The following NOTCH2 variants were observed in gnomAD, a reference collection of about 807,000 sequenced individuals.
NOTCH2 encodes neurogenic locus notch homolog protein 2.
A neutral mutation model predicts 235.8 loss-of-function variants in NOTCH2; 29 were observed. The ratio of observed to expected loss-of-function variants is 0.12; its 90% CI spans 0.09 to 0.17. The LOEUF is 0.17. Ranked by LOEUF, NOTCH2 falls within the 10% of genes least tolerant of loss-of-function variation. The probability of loss-of-function intolerance (pLI) is 1.00; values close to 1 mark genes in which losing one functional copy is unlikely to be tolerated. For synonymous variants in NOTCH2, 1,086 were observed against 1,141.5 expected, an observed-to-expected ratio of 0.95 and a Z score of 0.98; for missense variants, 2,285 against 3,150.2, an observed-to-expected ratio of 0.73 and a Z score of 6.57.
rs34308573 is a variant in NOTCH2, at chr1:119,966,402, T to C, written c.1541A>G (p.Asn514Ser). ...VNNGQCVDKV[N>S]RFQCLCPPGF... The stretch of plus-strand genomic sequence containing the variant: ...AGGAGGACACAGGCACTGGAAACGA[T>C]TGACTTTATCCACACACTGCCCATT... Residue 514 changes from asparagine (N) to serine (S), a missense_variant, in exon 9 of 34, where the codon AAT becomes AGT. By Grantham distance (46) the Asn-to-Ser change is conservative. Transcript: ENST00000256646. 134 of 1,613,910 alleles carry C rather than the reference T, an allele frequency of 8.3e-5. No individual in the cohort carries two copies. In the African/African-American group the frequency reaches 1.5e-3, roughly 18 times the overall value.
intron 2 of NOTCH2, among the ~76,000 whole-genome samples, chr1:120,009,584 C>T (rs1653105009): frequency 6.6e-6 from 1 of 152,198 alleles, no homozygotes; most frequent in Admixed American, 6.5e-5. Context: ...TATCCCTCCG[C>T]AACAAAACTT....
Position 119,916,359 on chromosome 1 carries a change from C to G in NOTCH2, c.6363G>C (p.Lys2121Asn), listed in dbSNP as rs144047610. ...TMPTSLPNLA[K>N]EAKDAKGSRR... The stretch of plus-strand genomic sequence containing the variant: ...TACTACCCTTGGCATCCTTTGCCTC[C>G]TTGGCAAGGTTAGGGAGGCTAGTAG... Residue 2121 changes from lysine (K) to asparagine (N), a missense_variant, in exon 34 of 34, where the codon AAG (lysine) becomes AAC (asparagine). Physicochemically the swap from Lys to Asn is moderately conservative, Grantham distance 94. Around this residue, in one of 6 missense-constraint regions of NOTCH2, gnomAD observed 504 missense variants for 538.0 expected, o/e 0.94. Coordinates refer to ENST00000256646, the MANE Select transcript of NOTCH2 (RefSeq NM_024408.4). 817 of 1,614,174 alleles carry G rather than the reference C, an allele frequency of 5.1e-4. No homozygotes were observed. Among genetic ancestry groups the G allele is most frequent in the Admixed American group, 8.2e-4 (49 of 60,030 alleles).
intron 3 of NOTCH2, among the ~76,000 whole-genome samples, chr1:120,003,760 G>A (rs1652854171): frequency 6.6e-6 from 1 of 151,758 alleles, no homozygotes; most frequent in Admixed American, 6.6e-5. Flanking sequence ...GAGACCATTT[G>A]CCTAAAGGAA....
rs1447350823 is a variant in NOTCH2, at chr1:119,911,925, G to A, written c.*3381C>T. ...TGATCTAATTAAAGGAAGAAAAAAA[G>A]AAGTTTGGTGCTAGGCTTTGTGGGA... On this transcript the variant is annotated 3_prime_UTR_variant, in exon 34 of 34. Coordinates refer to ENST00000256646, the MANE Select transcript of NOTCH2 (RefSeq NM_024408.4). 8.6e-6 allele frequency: 2 copies of A among 233,114 alleles called. No homozygotes were observed. Among genetic ancestry groups the A allele is most frequent in the Admixed American group, 5.6e-5 (1 of 17,790 alleles). The allele number at this position is 233,114 out of a possible 1,614,324, so 14.4% of individuals were successfully genotyped here.
At chr1:120,006,414 C>A (rs1226531654) in intron 2 of NOTCH2, among the ~76,000 whole-genome samples, 1 of 149,216 alleles carries the variant, frequency 6.7e-6, no homozygotes, top group African/African-American at 2.5e-5. Flanking sequence ...ACTGAGGAAC[C>A]TTTTTACATG....
In NOTCH2 at chr1:119,929,195, T is replaced by C; in HGVS notation, c.3673A>G (p.Asn1225Asp). ...PGTRGLLCEENIDDCARGPHC... is the reference protein window; with the variant it reads ...PGTRGLLCEEDIDDCARGPHC... Reference sequence around the variant, plus strand: ...GGACCCCGGGCACAGTCATCAATGTTCTCTTCACAGAGTAGGCCTGGAGGA... The same window carrying C: ...GGACCCCGGGCACAGTCATCAATGTCCTCTTCACAGAGTAGGCCTGGAGGA... The change falls in exon 23 of 34, where the codon AAC (asparagine) becomes GAC (aspartate). Residue 1225 changes from asparagine to aspartate, a missense_variant. Asn to Asp is a conservative substitution (Grantham distance 23). This residue lies in a region of NOTCH2 where 1,173 missense variants were observed against 1,515.3 expected (regional missense o/e 0.77). Coordinates refer to ENST00000256646, the MANE Select transcript of NOTCH2 (RefSeq NM_024408.4). 6.2e-7 allele frequency: 1 copy of C among 1,613,978 alleles called. No homozygotes were observed. Among genetic ancestry groups the C allele is most frequent in the Non-Finnish European group, 8.5e-7 (1 of 1,179,826 alleles).
intron 11 of NOTCH2, among the ~76,000 whole-genome samples, chr1:119,962,724 T>C (rs1553199165): frequency 6.6e-6 from 1 of 152,020 alleles, no homozygotes; most frequent in African/African-American, 2.4e-5. Flanking sequence ...TATTGGCAGG[T>C]TTCCTTCTAA....
intron 1 of NOTCH2, among the ~76,000 whole-genome samples, chr1:120,041,549 CAT>C (rs1654570080): frequency 6.9e-6 from 1 of 145,916 alleles, no homozygotes; most frequent in Non-Finnish European, 1.5e-5. Flanking sequence ...TAAAACTTTC[CAT>C]GTTTGTGTCT....
rs1204950963 is a variant in NOTCH2, at chr1:119,915,165, T to C, written c.*141A>G. On this transcript the variant is annotated 3_prime_UTR_variant, in exon 34 of 34. Transcript: ENST00000256646. ...CTGACGAATTGCTTCTCTTGCATTA[T>C]CTGAATAAGAACATCTTCTCTTTCC... is the stretch of plus-strand genomic sequence containing the variant. 9.3e-6 allele frequency: 8 copies of C among 862,162 alleles called. No homozygotes were observed. In the East Asian group the frequency reaches 1.2e-4, roughly 13 times the overall value. 53.4% of individuals were successfully genotyped at this position (862,162 alleles called of 1,614,324 possible).
Position 119,925,547 on chromosome 1 carries a change from G to A in NOTCH2, c.4269C>T (p.Ala1423=). Residue 1423 remains alanine, a synonymous_variant, in exon 25 of 34, where the codon GCC becomes GCT. Coordinates refer to ENST00000256646, the MANE Select transcript of NOTCH2 (RefSeq NM_024408.4). ...LYTAPPSTPP[A]TCLSQYCADK... ...CGGCACAATACTGGCTCAGACAGGT[G>A]GCAGGAGGGGTGCTGGGGGGTGCCG... is the stretch of plus-strand genomic sequence containing the variant. 6.2e-7 allele frequency: 1 copy of A among 1,614,150 alleles called. No homozygotes were observed. The highest frequency in any genetic ancestry group is 8.5e-7 in the Non-Finnish European group (1 of 1,180,030).
chr1:119,943,425 T>C (rs1243419393), intron 17 of NOTCH2, among the ~76,000 whole-genome samples: 1 of 152,028 alleles, frequency 6.6e-6, no homozygotes, highest in African/African-American at 2.4e-5. Flanking sequence ...TCAATAAGAA[T>C]GAAAAAAACC....
At position 119,915,834 on chromosome 1, in the gene NOTCH2, G is replaced by A; in HGVS notation, c.6888C>T (p.Thr2296=). 1 of 1,614,136 alleles carries A rather than the reference G, an allele frequency of 6.2e-7. No individual in the cohort carries two copies. The highest frequency in any genetic ancestry group is 8.5e-7 in the Non-Finnish European group (1 of 1,180,008). Residue 2296 remains threonine, a synonymous_variant, in exon 34 of 34, where the codon ACC becomes ACT. Coordinates refer to ENST00000256646, the MANE Select transcript of NOTCH2 (RefSeq NM_024408.4). ...CAATGGGGGGCAAGGGCTCCCGAGG[G>A]GTGGTTATGTGCTTCCCTTCAGGTG... ...SRPPEGKHIT[T]PREPLPPIVT...
In NOTCH2 at chr1:119,957,874, ACACACACAC is replaced by A. The variant is rs1192618367; in HGVS notation, c.2026+1509_2026+1517del. 1.0e-4 allele frequency among the ~76,000 whole-genome samples: 15 copies of A among 150,272 alleles called. 1 individual carries two copies. Among genetic ancestry groups the A allele is most frequent in the African/African-American group, 2.9e-4 (12 of 40,984 alleles). Reference sequence around the variant, plus strand: ...CACACACACACACACACACACACACACACACACACAACAGGCCCCTAATCAGGATGTCCA... The same window carrying A: ...CACACACACACACACACACACACACAAACAGGCCCCTAATCAGGATGTCCA... On this transcript the variant is annotated intron_variant, in intron 12 of 33. Coordinates refer to ENST00000256646, the MANE Select transcript of NOTCH2 (RefSeq NM_024408.4).
At chr1:120,065,514 C>T (rs1655473006) in intron 1 of NOTCH2, among the ~76,000 whole-genome samples, 1 of 152,188 alleles carries the variant, frequency 6.6e-6, no homozygotes, top group African/African-American at 2.4e-5. Context: ...GTGAATGAGG[C>T]ACTGGACACC....
In NOTCH2 at chr1:119,921,819, TTATAA is replaced by T; in HGVS notation, c.5214-15_5214-11del. The T allele has an allele frequency of 1.2e-6, 2 of 1,603,832 alleles. No homozygotes were observed. The highest frequency in any genetic ancestry group is 2.2e-5 in the South Asian group (2 of 90,854). On this transcript the variant is annotated splice_polypyrimidine_tract_variant and intron_variant, in intron 28 of 33. Coordinates refer to ENST00000256646, the MANE Select transcript of NOTCH2 (RefSeq NM_024408.4). ...TTGCACTGAGAGATTTCTAATATGA[TTATAA>T]AAAGAAAAAATAAGAATGGCAGTCA... is the stretch of plus-strand genomic sequence containing the variant.
intron 14 of NOTCH2, 64 bp downstream of exon 14, chr1:119,953,479 T>G (rs1018843267): frequency 6.5e-7 from 1 of 1,539,170 alleles, no homozygotes; most frequent in Non-Finnish European, 9.0e-7. Flanking sequence ...AAGAAGTGAG[T>G]CAAGCAGTAT....
rs1278184987 is a variant in NOTCH2 at position 119,912,981 on chromosome 1, G to A, written c.*2325C>T. 8.6e-6 allele frequency: 2 copies of A among 233,540 alleles called. No individual in the cohort carries two copies. Among genetic ancestry groups the A allele is most frequent in the African/African-American group, 4.4e-5 (2 of 45,464 alleles). The allele number at this position is 233,540 out of a possible 1,614,324, so 14.5% of individuals were successfully genotyped here. ...TCTGACATTGTGCTTAAGGAAAAGG[G>A]AGGATATAAAATATCCAGTGGCTGG... On this transcript the variant is annotated 3_prime_UTR_variant, in exon 34 of 34. Transcript: ENST00000256646.
chr1:120,045,493 C>A (rs1268247894), intron 1 of NOTCH2, among the ~76,000 whole-genome samples: 3 of 143,892 alleles, frequency 2.1e-5, no homozygotes, highest in South Asian at 4.4e-4. Flanking sequence ...AAAAAAGGAG[C>A]CTTTACCAAG....
Position 119,986,893 on chromosome 1 carries a change from A to G in NOTCH2, c.874+67T>C. On this transcript the variant is annotated intron_variant, in intron 5 of 33. Transcript: ENST00000256646. Reference sequence around the variant, plus strand: ...TAAGATATTTGTTACTGATATTTTAAAAAAACAGTCTGCCTCTGGTTACCA... The same window carrying G: ...TAAGATATTTGTTACTGATATTTTAGAAAAACAGTCTGCCTCTGGTTACCA... The G allele has an allele frequency of 2.5e-6, 4 of 1,608,968 alleles. No individual in the cohort carries two copies. The Admixed American group carries it at 6.7e-5, about 27-fold the overall frequency.
Sources: allele counts gnomAD v4.1 joint callset (sites outside exome capture counted in the v4.1 genomes callset), GRCh38; gene constraint gnomAD v4.1.1; regional missense constraint gnomAD v4.1.1; transcripts MANE v1.5; gene names NCBI Gene and HGNC (gene_info 2026-07-23, HGNC 2026-07-21).